ATG7: variants seen among roughly 807,000 people sequenced by gnomAD.
ATG7 encodes autophagy related 7.
Under a neutral mutation model 82.4 loss-of-function variants are expected in ATG7, and 70 were observed. The observed-to-expected ratio is 0.85, with a 90% CI of 0.70 to 1.04. The LOEUF (loss-of-function observed/expected upper bound fraction) is 1.04. Ranked by LOEUF, ATG7 falls within the 50% of genes least tolerant of loss-of-function variation. The pLI is 0.00. For synonymous variants in ATG7, 287 were observed against 313.0 expected, an observed-to-expected ratio of 0.92 and a Z score of 0.88; for missense variants, 792 against 864.3, an observed-to-expected ratio of 0.92 and a Z score of 1.05.
intron 19 of ATG7, among the ~76,000 whole-genome samples, chr3:11,391,691 A>G (rs1467774478): frequency 6.6e-6 from 1 of 152,034 alleles, no homozygotes; most frequent in Non-Finnish European, 1.5e-5. Context: ...GGCAGGGAGG[A>G]CTTGGTTTAA....
chr3:11,328,280 T>C (rs1480145094), intron 9 of ATG7, among the ~76,000 whole-genome samples: 1 of 152,224 alleles, frequency 6.6e-6, no homozygotes, highest in Non-Finnish European at 1.5e-5. Context: ...ATGATTAAAC[T>C]GTGGCTTGGA....
At chr3:11,467,116 C>T (rs1027696417) in intron 20 of ATG7, among the ~76,000 whole-genome samples, 2 of 141,284 alleles carry the variant, frequency 1.4e-5, no homozygotes, top group Non-Finnish European at 3.0e-5. Context: ...AAGAGTGAAA[C>T]CCCATCTCAG....
the ATG7 span, among the ~76,000 whole-genome samples, chr3:11,576,227 A>G: frequency 6.6e-6 from 1 of 152,204 alleles, no homozygotes; most frequent in Non-Finnish European, 1.5e-5. Context: ...CTTAATTCAG[A>G]TGGGGCAGGA....
chr3:11,360,540 G>A (rs373141011), intron 15 of ATG7, 41 bp from the exon 16 acceptor site: 2 of 1,569,616 alleles, frequency 1.3e-6, no homozygotes, highest in African/African-American at 1.4e-5. Flanking sequence ...TGAAATATAT[G>A]TGTCTTTTAA....
intron 20 of ATG7, among the ~76,000 whole-genome samples, chr3:11,472,880 A>G (rs2087708125): frequency 6.6e-6 from 1 of 152,200 alleles, no homozygotes; most frequent in Non-Finnish European, 1.5e-5. Flanking sequence ...TTTTCTTGAT[A>G]AGATCAGGGA....
intron 19 of ATG7, among the ~76,000 whole-genome samples, chr3:11,425,475 T>G (rs1034725329): frequency 6.6e-6 from 1 of 152,258 alleles, no homozygotes; most frequent in African/African-American, 2.4e-5. Flanking sequence ...ATGTCTGCTA[T>G]CTTTTTAAAG....
chr3:11,317,550 G>T (rs1274426989), intron 9 of ATG7, among the ~76,000 whole-genome samples: 12 of 148,586 alleles, frequency 8.1e-5, no homozygotes, highest in Admixed American at 6.7e-4. Context: ...CGACCACATT[G>T]TCTGATTCCG....
downstream of ATG7, among the ~76,000 whole-genome samples, chr3:11,562,156 C>A (rs1261769115): frequency 1.3e-5 from 2 of 152,160 alleles, no homozygotes; most frequent in Admixed American, 6.5e-5. Context: ...CTCAACCCCC[C>A]AAAGGGCTGG....
chr3:11,514,014 T>C (rs1438631781), intron 20 of ATG7, among the ~76,000 whole-genome samples: 4 of 152,196 alleles, frequency 2.6e-5, no homozygotes, highest in Admixed American at 2.0e-4. Flanking sequence ...CTACAGCTAC[T>C]CATGTGCCAC....
At chr3:11,542,302 G>A (rs1350846019) in intron 20 of ATG7, among the ~76,000 whole-genome samples, 1 of 152,230 alleles carries the variant, frequency 6.6e-6, no homozygotes, top group Non-Finnish European at 1.5e-5. Flanking sequence ...TCCCCAGAGG[G>A]AGGGTGCCAA....
chr3:11,391,595 A>G (rs1265872534), intron 19 of ATG7, among the ~76,000 whole-genome samples: 3 of 152,140 alleles, frequency 2.0e-5, no homozygotes, highest in Non-Finnish European at 4.4e-5. Context: ...CCTGTCCCAC[A>G]TTGCTTCTTG....
chr3:11,354,361 A>G (rs994976282), intron 14 of ATG7, among the ~76,000 whole-genome samples: 1 of 152,160 alleles, frequency 6.6e-6, no homozygotes, highest in Non-Finnish European at 1.5e-5. Flanking sequence ...AAGATGTCAG[A>G]TTATGAGGCC....
chr3:11,431,691 ATGT>A (rs2082905953), intron 20 of ATG7, among the ~76,000 whole-genome samples: 1 of 152,170 alleles, frequency 6.6e-6, no homozygotes, highest in Admixed American at 6.5e-5. Flanking sequence ...AGGTTTATTC[ATGT>A]TGTAGCAAGG....
chr3:11,562,656 G>A (rs1243393073), downstream of ATG7, among the ~76,000 whole-genome samples: 1 of 152,244 alleles, frequency 6.6e-6, no homozygotes, highest in Non-Finnish European at 1.5e-5. Flanking sequence ...GCCCCGCCAC[G>A]CTGCCGCAGG....
At chr3:11,561,683 T>A (rs1201608700), downstream of ATG7, among the ~76,000 whole-genome samples, 1 of 152,068 alleles carries the variant, frequency 6.6e-6, no homozygotes, top group African/African-American at 2.4e-5. Flanking sequence ...ACACCCTTAT[T>A]TTCCAGATGG....
At chr3:11,521,797 C>T (rs947703410) in intron 20 of ATG7, among the ~76,000 whole-genome samples, 5 of 151,996 alleles carry the variant, frequency 3.3e-5, no homozygotes, top group African/African-American at 1.2e-4. Context: ...TGTGATCCGC[C>T]TGCCTCAGCT....
the ATG7 span, among the ~76,000 whole-genome samples, chr3:11,564,409 C>T: frequency 0.021 from 3,238 of 151,692 alleles, 137 homozygotes; most frequent in African/African-American, 0.075. Flanking sequence ...CGTAGGACCC[C>T]CCCACCCGAG....
chr3:11,293,388 G>A (rs745675370), intron 3 of ATG7, among the ~76,000 whole-genome samples: 11 of 151,872 alleles, frequency 7.2e-5, no homozygotes, highest in South Asian at 6.3e-4. Context: ...AAAATTAGCC[G>A]GGTGCGGTGG....
At chr3:11,302,811 T>C (rs1185135797) in intron 5 of ATG7, among the ~76,000 whole-genome samples, 1 of 152,228 alleles carries the variant, frequency 6.6e-6, no homozygotes, top group African/African-American at 2.4e-5. Flanking sequence ...TCTCTTCTAC[T>C]CTGTGCCCCT....
Sources: allele counts gnomAD v4.1 joint callset (sites outside exome capture counted in the v4.1 genomes callset), GRCh38; gene constraint gnomAD v4.1.1; transcripts MANE v1.5; gene names NCBI Gene and HGNC (gene_info 2026-07-23, HGNC 2026-07-21).